FRMD4B: variants seen among roughly 807,000 people sequenced by gnomAD.
The protein encoded by FRMD4B is FERM domain-containing protein 4B.
A neutral mutation model predicts 141.5 loss-of-function variants in FRMD4B; 74 were observed. That is an observed-to-expected ratio of 0.52 (90% confidence interval 0.43 to 0.63). The LOEUF (loss-of-function observed/expected upper bound fraction) is 0.63, where lower values mean the gene tolerates loss of function less well. Ranked by LOEUF, FRMD4B falls within the 30% of genes least tolerant of loss-of-function variation. The pLI is 0.00. For synonymous variants in FRMD4B, 506 were observed against 467.9 expected (o/e 1.08, Z -1.05); for missense variants, 1,366 against 1,253.4 (o/e 1.09, Z -1.36).
At chr3:69,236,607 A>G (rs1225836738) in intron 7 of FRMD4B, among the ~76,000 whole-genome samples, 1 of 152,214 alleles carries the variant, frequency 6.6e-6, no homozygotes, top group Non-Finnish European at 1.5e-5. Flanking sequence ...ACCTTAAAAC[A>G]GGGAGTTGCA....
At chr3:69,367,458 T>C (rs776246273) in intron 1 of FRMD4B, among the ~76,000 whole-genome samples, 83 of 152,276 alleles carry the variant, frequency 5.5e-4, no homozygotes, top group Non-Finnish European at 1.0e-3. Context: ...TACATACATA[T>C]ATACATACAC....
At chr3:69,207,901 C>T (rs555915379) in intron 11 of FRMD4B, among the ~76,000 whole-genome samples, 4 of 152,280 alleles carry the variant, frequency 2.6e-5, no homozygotes, top group African/African-American at 4.8e-5. Flanking sequence ...CATTTCTACA[C>T]GGAACTCCGT....
rs569407228 is a variant in FRMD4B, at chr3:69,379,147, A to G, written c.162+6681T>C. Among the ~76,000 whole-genome samples the G allele has an allele frequency of 1.5e-4, 23 of 152,322 alleles. 1 individual carries two copies. The South Asian group carries it at 4.8e-3, about 32-fold the overall frequency. ...ACTGAGACTTGGTGAGCCATTGACA[A>G]TTATTTCAGGTATGAATGAACAAAT... is the stretch of plus-strand genomic sequence containing the variant. On this transcript the variant is annotated intron_variant, in intron 1 of 22. Transcript: ENST00000398540.
intron 1 of FRMD4B, among the ~76,000 whole-genome samples, chr3:69,472,711 C>G (rs1204381862): frequency 6.6e-6 from 1 of 151,976 alleles, no homozygotes; most frequent in Non-Finnish European, 1.5e-5. Flanking sequence ...GTTTAATAAG[C>G]AAAAGAAGAA....
intron 4 of FRMD4B, among the ~76,000 whole-genome samples, chr3:69,292,038 C>T (rs150266620): frequency 6.6e-6 from 1 of 150,410 alleles, no homozygotes; most frequent in Non-Finnish European, 1.5e-5. Context: ...TTAGGCCATA[C>T]AGCTAGCAAG....
chr3:69,407,913 CTGGCCATG>C (rs1407346682), intron 2 of FRMD4B, among the ~76,000 whole-genome samples: 9 of 152,044 alleles, frequency 5.9e-5, no homozygotes, highest in Non-Finnish European at 1.3e-4. Context: ...GTTTTTATTC[CTGGCCATG>C]TGGGGGAAAA....
chr3:69,343,025 C>G (rs574355250), intron 1 of FRMD4B, among the ~76,000 whole-genome samples: 1 of 152,252 alleles, frequency 6.6e-6, no homozygotes, highest in East Asian at 1.9e-4. Context: ...CAATCCATAG[C>G]TCGCTGCAGC....
At chr3:69,255,302 G>A (rs190662299) in intron 5 of FRMD4B, among the ~76,000 whole-genome samples, 335 of 152,244 alleles carry the variant, frequency 2.2e-3, no homozygotes, top group African/African-American at 7.8e-3. Context: ...TTAAAAACTG[G>A]TAAATTTGGC....
Position 69,181,083 on chromosome 3 carries a change from G to A in FRMD4B, c.2667C>T (p.Asn889=), listed in dbSNP as rs1434358149. 3.7e-6 allele frequency: 6 copies of A among 1,614,032 alleles called. No homozygotes were observed. Among genetic ancestry groups the A allele is most frequent in the Admixed American group, 1.7e-5 (1 of 60,028 alleles). Residue 889 remains asparagine, a synonymous_variant, in exon 21 of 23, where the codon AAC becomes AAT. Coordinates refer to ENST00000398540, the MANE Select transcript of FRMD4B (RefSeq NM_015123.3). ...GCTCGGCAACTAAGGCCTTGTGGAT[G>A]TTTTTGGTGATGTGCTCCGATTTTG... The part of the protein sequence containing the change: ...AAAKSEHITK[N]IHKALVAEHL...
intron 1 of FRMD4B, among the ~76,000 whole-genome samples, chr3:69,461,422 A>G (rs183173122): frequency 1.3e-5 from 2 of 151,892 alleles, no homozygotes; most frequent in Non-Finnish European, 2.9e-5. Flanking sequence ...AATAAATAAA[A>G]ATAACCAGGC....
intron 1 of FRMD4B, among the ~76,000 whole-genome samples, chr3:69,507,375 A>G (rs942331523): frequency 3.3e-5 from 5 of 152,056 alleles, no homozygotes; most frequent in African/African-American, 1.2e-4. Flanking sequence ...GTATGTGTGT[A>G]TATGTGTAAG....
intron 21 of FRMD4B, among the ~76,000 whole-genome samples, chr3:69,179,688 A>G (rs150099392): frequency 6.6e-6 from 1 of 152,304 alleles, no homozygotes; most frequent in African/African-American, 2.4e-5. Context: ...TGTCTCACTA[A>G]GGTGTCATGT....
At chr3:69,330,152 C>T (rs536642949) in intron 1 of FRMD4B, among the ~76,000 whole-genome samples, 4 of 151,890 alleles carry the variant, frequency 2.6e-5, no homozygotes, top group African/African-American at 7.2e-5. Flanking sequence ...TCCTGGGGCT[C>T]GACAAATATT....
intron 7 of FRMD4B, among the ~76,000 whole-genome samples, chr3:69,236,464 A>C (rs949756471): frequency 3.3e-5 from 5 of 152,036 alleles, no homozygotes; most frequent in African/African-American, 1.2e-4. Context: ...CCTGACCTCA[A>C]ATGATCCGCC....
Position 69,275,442 on chromosome 3 carries a change from CT to C in FRMD4B, c.501+12309del, listed in dbSNP as rs11405908. Among the ~76,000 whole-genome samples, 369 of 141,658 alleles carry C rather than the reference CT, an allele frequency of 2.6e-3. 1 individual carries two copies. The highest frequency in any genetic ancestry group is 8.1e-3 in the African/African-American group (310 of 38,278). 92.9% of individuals were successfully genotyped at this position (141,658 alleles called of 152,430 possible). The stretch of plus-strand genomic sequence containing the variant: ...ATGTTTTTATTCTCTCTCTCTCTCT[CT>C]TTTTTTTTTTTTTTGAGACAAGTTC... On this transcript the variant is annotated intron_variant, in intron 5 of 22. Coordinates refer to ENST00000398540, the MANE Select transcript of FRMD4B (RefSeq NM_015123.3).
intron 7 of FRMD4B, among the ~76,000 whole-genome samples, chr3:69,225,514 AAATAC>A: frequency 7.9e-6 from 1 of 126,462 alleles, no homozygotes; most frequent in African/African-American, 2.9e-5. Context: ...TATCTACTAA[AAATAC>A]AAAAAAAAAA....
At position 69,253,181 on chromosome 3, in the gene FRMD4B, C is replaced by CTTTTTTTT. The variant is rs781662739; in HGVS notation, c.502-3083_502-3082insAAAAAAAA. On this transcript the variant is annotated intron_variant, in intron 5 of 22. Coordinates refer to ENST00000398540, the MANE Select transcript of FRMD4B (RefSeq NM_015123.3). ...AGGGAAATTAGTGAAAATATGATTC[C>CTTTTTTTT]TATTTTTTTTTTTTTTTTTTTTTGC... 1.4e-4 allele frequency among the ~76,000 whole-genome samples: 17 copies of CTTTTTTTT among 121,946 alleles called. 3 individuals carry two copies. Among genetic ancestry groups the CTTTTTTTT allele is most frequent in the African/African-American group, 1.8e-4 (6 of 32,542 alleles). 80.0% of individuals were successfully genotyped at this position (121,946 alleles called of 152,430 possible). A position where few individuals can be genotyped will look rare whatever the true frequency, so the allele number is the denominator to read the frequency against.
intron 1 of FRMD4B, chr3:69,432,836 C>T (rs1705201801): frequency 6.6e-6 from 1 of 152,214 alleles, no homozygotes; most frequent in African/African-American, 2.4e-5. Context: ...AAGTCAGTGA[C>T]ACTTCTAATT....
Position 69,179,178 on chromosome 3 carries a change from C to A in FRMD4B, c.2851+1721G>T, listed in dbSNP as rs551826420. On this transcript the variant is annotated intron_variant, in intron 21 of 22. Transcript: ENST00000398540. ...TGCCTTTTGGTCTGTGGGGCCACAT[C>A]TTGCTGGTGTCAGCAAGGCTCACAC... Among the ~76,000 whole-genome samples, 5 of 152,250 alleles carry A rather than the reference C, an allele frequency of 3.3e-5. No homozygotes were observed. In the South Asian group the frequency reaches 6.2e-4, roughly 19 times the overall value.
Sources: allele counts gnomAD v4.1 joint callset (sites outside exome capture counted in the v4.1 genomes callset), GRCh38; gene constraint gnomAD v4.1.1; transcripts MANE v1.5; gene names NCBI Gene and HGNC (gene_info 2026-07-23, HGNC 2026-07-21).